The following GATAD2B variants were observed in gnomAD, a reference collection of about 807,000 sequenced individuals.
GATAD2B encodes the protein GATA zinc finger domain containing 2B, also known as transcriptional repressor p66-beta.
GATAD2B carries 8 observed loss-of-function variants against 64.3 expected under a neutral mutation model. That is an observed-to-expected ratio of 0.12 (90% CI 0.07 to 0.22). The LOEUF is 0.22. Ranked by LOEUF, GATAD2B falls within the 10% of genes least tolerant of loss-of-function variation. GATAD2B has a pLI of 1.00. For missense variants in GATAD2B, 453 were observed against 752.0 expected (o/e 0.60, Z 4.65); for synonymous variants, 281 against 271.3 (o/e 1.04, Z -0.35).
chr1:153,840,086 G>T, intron 1 of GATAD2B, among the ~76,000 whole-genome samples: 1 of 132,940 alleles, frequency 7.5e-6, no homozygotes, highest in Non-Finnish European at 1.5e-5. Context: ...AGGCTGGAGT[G>T]CAATGGCACG....
chr1:153,843,310 G>T (rs1416887039), intron 1 of GATAD2B, among the ~76,000 whole-genome samples: 2 of 151,436 alleles, frequency 1.3e-5, no homozygotes, highest in Non-Finnish European at 2.9e-5. Flanking sequence ...AATATATGGG[G>T]TCTCACTATG....
chr1:153,852,268 T>C (rs1471261350), intron 1 of GATAD2B: 1 of 1,215,034 alleles, frequency 8.2e-7, no homozygotes, highest in Non-Finnish European at 1.2e-6. Flanking sequence ...AAAGATTCCT[T>C]CATTTTCTGC....
intron 2 of GATAD2B, among the ~76,000 whole-genome samples, chr1:153,822,282 T>C (rs192419985): frequency 5.3e-4 from 81 of 152,316 alleles, no homozygotes; most frequent in African/African-American, 1.9e-3. Flanking sequence ...GCTGGATATA[T>C]ACATTACAGA....
intron 1 of GATAD2B, among the ~76,000 whole-genome samples, chr1:153,904,106 T>G (rs1677857421): frequency 6.6e-6 from 1 of 151,832 alleles, no homozygotes; most frequent in Non-Finnish European, 1.5e-5. Context: ...TGAAGAAACC[T>G]CAGTCTCTAC....
At chr1:153,836,188 C>T (rs1299675834) in intron 1 of GATAD2B, among the ~76,000 whole-genome samples, 2 of 151,516 alleles carry the variant, frequency 1.3e-5, no homozygotes, top group African/African-American at 4.9e-5. Context: ...GTGTGTAATC[C>T]CAGTGACACA....
At chr1:153,906,749 T>C (rs1677950665) in intron 1 of GATAD2B, among the ~76,000 whole-genome samples, 1 of 152,142 alleles carries the variant, frequency 6.6e-6, no homozygotes, top group African/African-American at 2.4e-5. Context: ...ATGTGGATAA[T>C]GGATTAAAAT....
intron 1 of GATAD2B, among the ~76,000 whole-genome samples, chr1:153,833,227 AG>A (rs552529003): frequency 5.8e-4 from 88 of 152,270 alleles, no homozygotes; most frequent in African/African-American, 1.8e-3. Flanking sequence ...CTTAGAAAAA[AG>A]GTAAGAATTA....
intron 1 of GATAD2B, among the ~76,000 whole-genome samples, chr1:153,858,160 G>C (rs1159623308): frequency 1.3e-5 from 2 of 152,112 alleles, no homozygotes; most frequent in African/African-American, 4.8e-5. Flanking sequence ...CTTCTGCCTG[G>C]TGAGTTATGG....
At chr1:153,853,372 G>GTCA (rs1390073049) in intron 1 of GATAD2B, 2 of 688,218 alleles carry the variant, frequency 2.9e-6, no homozygotes, top group African/African-American at 3.5e-5. Context: ...GACCACCCGA[G>GTCA]TCATCACACT....
At chr1:153,859,897 C>CTT (rs1676218031) in intron 1 of GATAD2B, among the ~76,000 whole-genome samples, 1 of 77,860 alleles carries the variant, frequency 1.3e-5, no homozygotes, top group African/African-American at 4.7e-5. Context: ...AAGGAATTTT[C>CTT]TTTTCTTTTC....
At chr1:153,875,919 G>A (rs1284026870) in intron 1 of GATAD2B, among the ~76,000 whole-genome samples, 3 of 151,900 alleles carry the variant, frequency 2.0e-5, no homozygotes, top group African/African-American at 7.3e-5. Context: ...CAGATAAACT[G>A]AGTAACTTCA....
At chr1:153,812,310 C>G (rs1674320121) in intron 8 of GATAD2B, 178 bp from the exon 9 acceptor site, 1 of 558,042 alleles carries the variant, frequency 1.8e-6, no homozygotes, top group Non-Finnish European at 3.2e-6. Flanking sequence ...GGATTACAGG[C>G]ATGAATCACT....
intron 1 of GATAD2B, among the ~76,000 whole-genome samples, chr1:153,891,040 C>T (rs1430605402): frequency 1.3e-5 from 2 of 151,552 alleles, no homozygotes; most frequent in Non-Finnish European, 2.9e-5. Context: ...AAAAATTAGC[C>T]AGGTGTGGTG....
At chr1:153,889,239 C>A (rs1482551995) in intron 1 of GATAD2B, among the ~76,000 whole-genome samples, 2 of 151,334 alleles carry the variant, frequency 1.3e-5, no homozygotes, top group Non-Finnish European at 2.9e-5. Context: ...ATGGAAAAAA[C>A]CTATCTCTAC....
At chr1:153,915,328 C>T (rs926118857) in intron 1 of GATAD2B, among the ~76,000 whole-genome samples, 2 of 152,154 alleles carry the variant, frequency 1.3e-5, no homozygotes, top group Non-Finnish European at 2.9e-5. Context: ...GAGGCTGCGG[C>T]AGGAGAATCA....
At chr1:153,854,909 G>T (rs960260171) in intron 1 of GATAD2B, among the ~76,000 whole-genome samples, 1 of 152,058 alleles carries the variant, frequency 6.6e-6, no homozygotes, top group Non-Finnish European at 1.5e-5. Context: ...TCTACAATGT[G>T]GAACATATTT....
At chr1:153,885,513 G>A (rs1378928363) in intron 1 of GATAD2B, among the ~76,000 whole-genome samples, 1 of 152,024 alleles carries the variant, frequency 6.6e-6, no homozygotes, top group Non-Finnish European at 1.5e-5. Flanking sequence ...TCTGAGGTTA[G>A]GAGTTCGAGA....
At chr1:153,847,973 A>G (rs1675746944) in intron 1 of GATAD2B, among the ~76,000 whole-genome samples, 1 of 152,212 alleles carries the variant, frequency 6.6e-6, no homozygotes, top group African/African-American at 2.4e-5. Context: ...TAAAACAAAC[A>G]AACATACTGA....
intron 10 of GATAD2B, among the ~76,000 whole-genome samples, chr1:153,811,179 G>A (rs1674281113): frequency 6.6e-6 from 1 of 152,106 alleles, no homozygotes; most frequent in Admixed American, 6.5e-5. Flanking sequence ...GGGATTACAG[G>A]TGTGAGCCAC....
Sources: gnomAD v4.1 joint callset for allele counts (sites outside exome capture counted in the v4.1 genomes callset) on GRCh38, gnomAD v4.1.1 for gene constraint, MANE v1.5 for transcripts, NCBI Gene and HGNC (gene_info 2026-07-23, HGNC 2026-07-21) for gene names.